The following PPM1L variants were observed in gnomAD, a reference collection of about 807,000 sequenced individuals.
PPM1L encodes the protein protein phosphatase, Mg2+/Mn2+ dependent 1L.
Under a neutral mutation model 31.4 loss-of-function variants are expected in PPM1L, and 13 were observed. That is an observed-to-expected ratio of 0.41 (90% confidence interval 0.27 to 0.66). PPM1L has a LOEUF of 0.66. Among genes scored for constraint, PPM1L ranks in the 30% least tolerant of loss-of-function variants. PPM1L has a pLI of 0.29. For synonymous variants in PPM1L, 184 were observed against 175.4 expected (o/e 1.05, Z -0.39); for missense variants, 326 against 453.7 (o/e 0.72, Z 2.56).
intron 1 of PPM1L, among the ~76,000 whole-genome samples, chr3:160,786,157 CTGTGTGTGTGTGTG>C (rs1239014226): frequency 1.4e-5 from 1 of 69,194 alleles, no homozygotes; most frequent in Non-Finnish European, 2.3e-5. Context: ...CTCTCTCTCT[CTGTGTGTGTGTGTG>C]TGTGTGTGTG....
At chr3:161,047,273 A>C (rs570734171) in intron 2 of PPM1L, among the ~76,000 whole-genome samples, 50 of 152,360 alleles carry the variant, frequency 3.3e-4, no homozygotes, top group Admixed American at 1.4e-3. Flanking sequence ...TGCAAAAATC[A>C]CAAGCATTCT....
chr3:160,839,122 T>A (rs1482249581), intron 1 of PPM1L, among the ~76,000 whole-genome samples: 1 of 152,214 alleles, frequency 6.6e-6, no homozygotes, highest in Non-Finnish European at 1.5e-5. Context: ...GCTATGCTCT[T>A]TGACTTCCCA....
intron 1 of PPM1L, among the ~76,000 whole-genome samples, chr3:160,832,963 C>T (rs1447737981): frequency 6.6e-6 from 1 of 152,100 alleles, no homozygotes; most frequent in Admixed American, 6.6e-5. Flanking sequence ...TGTTCCCCTC[C>T]CTGTGTCCAT....
intron 1 of PPM1L, among the ~76,000 whole-genome samples, chr3:160,933,085 C>T (rs77552636): frequency 0.034 from 5,109 of 152,194 alleles, 109 homozygotes; most frequent in South Asian, 0.042. Context: ...TTTCTATTTA[C>T]ATTTTGCTGT....
intron 2 of PPM1L, among the ~76,000 whole-genome samples, chr3:160,985,982 A>AG (rs10656775): frequency 5.2e-5 from 1 of 19,322 alleles, no homozygotes; most frequent in Non-Finnish European, 3.9e-4. Context: ...CCACCCACCC[A>AG]AAAAAAAAAA....
At chr3:160,886,466 G>A (rs557926968) in intron 1 of PPM1L, among the ~76,000 whole-genome samples, 22 of 152,324 alleles carry the variant, frequency 1.4e-4, no homozygotes, top group African/African-American at 4.6e-4. Flanking sequence ...TCAGATTGGT[G>A]CCCCTTGAGG....
At chr3:160,903,854 A>G (rs943445630) in intron 1 of PPM1L, among the ~76,000 whole-genome samples, 2 of 152,292 alleles carry the variant, frequency 1.3e-5, no homozygotes, top group African/African-American at 2.4e-5. Context: ...ATGGATAGAT[A>G]TATAATACTG....
At chr3:161,061,202 C>T (rs1056946123) in intron 2 of PPM1L, among the ~76,000 whole-genome samples, 4 of 151,120 alleles carry the variant, frequency 2.6e-5, no homozygotes, top group South Asian at 2.1e-4. Context: ...TTGCTTTGCA[C>T]GTATTATTTC....
intron 1 of PPM1L, among the ~76,000 whole-genome samples, chr3:160,956,826 A>C (rs955302053): frequency 6.6e-6 from 1 of 152,344 alleles, no homozygotes; most frequent in African/African-American, 2.4e-5. Flanking sequence ...ATCTGTATGC[A>C]AGAAAGAATT....
At chr3:161,019,993 G>C (rs1244248309) in intron 2 of PPM1L, among the ~76,000 whole-genome samples, 1 of 151,976 alleles carries the variant, frequency 6.6e-6, no homozygotes, top group Non-Finnish European at 1.5e-5. Context: ...GAGTGTGGTG[G>C]CGTGTGCCTG....
At position 160,759,204 on chromosome 3, in the gene PPM1L, T is replaced by C. The variant is rs551518311; in HGVS notation, c.399+2497T>C. ...CTGTCACAGAAGAGGAAGCTTTTTC[T>C]GAACTTTCTATTATTTATGTATATT... On this transcript the variant is annotated intron_variant, in intron 1 of 3. Coordinates refer to ENST00000498165, the MANE Select transcript of PPM1L (RefSeq NM_139245.4). 6.6e-5 allele frequency among the ~76,000 whole-genome samples: 10 copies of C among 152,314 alleles called. No homozygotes were observed. In the South Asian group the frequency reaches 2.1e-3, roughly 32 times the overall value.
At chr3:160,866,224 AT>A (rs1199237125) in intron 1 of PPM1L, among the ~76,000 whole-genome samples, 1 of 152,204 alleles carries the variant, frequency 6.6e-6, no homozygotes, top group Non-Finnish European at 1.5e-5. Flanking sequence ...TATCTGCTGT[AT>A]TTAGTACTAT....
chr3:160,940,171 G>GCAGGAAAGCATT (rs1715114679), intron 1 of PPM1L, among the ~76,000 whole-genome samples: 1 of 152,194 alleles, frequency 6.6e-6, no homozygotes, highest in Non-Finnish European at 1.5e-5. Flanking sequence ...AAATTTCTAA[G>GCAGGAAAGCATT]CAGGAAAGCA....
intron 1 of PPM1L, among the ~76,000 whole-genome samples, chr3:160,928,157 A>G (rs537876762): frequency 3.3e-5 from 5 of 152,338 alleles, no homozygotes; most frequent in African/African-American, 9.6e-5. Context: ...TTCCATAGAC[A>G]GCTAAACTCT....
chr3:161,025,794 A>G (rs1718369761), intron 2 of PPM1L, among the ~76,000 whole-genome samples: 1 of 152,190 alleles, frequency 6.6e-6, no homozygotes, highest in South Asian at 2.1e-4. Context: ...CTAAGACGAT[A>G]GGTTAAGCAA....
intron 1 of PPM1L, among the ~76,000 whole-genome samples, chr3:160,892,899 T>A (rs28693895): frequency 6.6e-6 from 1 of 152,148 alleles, no homozygotes; most frequent in South Asian, 2.1e-4. Context: ...TAAAAATTAT[T>A]ATTCTTTTGG....
intron 1 of PPM1L, among the ~76,000 whole-genome samples, chr3:160,899,667 CTTTAA>C (rs747366437): frequency 1.6e-4 from 25 of 152,020 alleles, no homozygotes; most frequent in Non-Finnish European, 3.1e-4. Context: ...TTGTCAGAAT[CTTTAA>C]TTTGTTAGTT....
chr3:160,886,029 A>C (rs1712905023), intron 1 of PPM1L, among the ~76,000 whole-genome samples: 1 of 152,220 alleles, frequency 6.6e-6, no homozygotes, highest in Non-Finnish European at 1.5e-5. Flanking sequence ...GGAGCCAGTG[A>C]GGCTGGATGG....
intron 1 of PPM1L, among the ~76,000 whole-genome samples, chr3:160,869,309 T>A (rs1159479725): frequency 6.6e-6 from 1 of 152,176 alleles, no homozygotes; most frequent in Non-Finnish European, 1.5e-5. Flanking sequence ...ATTACAATAA[T>A]AATAACAAAA....
Sources: allele counts gnomAD v4.1 joint callset (sites outside exome capture counted in the v4.1 genomes callset), GRCh38; gene constraint gnomAD v4.1.1; transcripts MANE v1.5; gene names NCBI Gene and HGNC (gene_info 2026-07-23, HGNC 2026-07-21).